Variants in SLCO5A1 observed in about 807,000 individuals in gnomAD.
The protein encoded by SLCO5A1 is organic anion transporter polypeptide-related protein 4.
In SLCO5A1, 39 loss-of-function variants were observed where a neutral mutation model predicts 65.1. That is an observed-to-expected ratio of 0.60 (90% CI 0.46 to 0.78). The LOEUF is 0.78. Among genes scored for constraint, SLCO5A1 ranks in the 30% least tolerant of loss-of-function variants. The pLI is 0.00. For synonymous variants in SLCO5A1, 438 were observed against 415.7 expected, an observed-to-expected ratio of 1.05 and a Z score of -0.65; for missense variants, 1,029 against 1,069.4, an observed-to-expected ratio of 0.96 and a Z score of 0.53.
At chr8:69,822,803 T>C (rs1248498151) in intron 2 of SLCO5A1, among the ~76,000 whole-genome samples, 3 of 152,226 alleles carry the variant, frequency 2.0e-5, no homozygotes, top group South Asian at 2.1e-4. Flanking sequence ...TGAAGTCCCA[T>C]GACCAGTTGT....
chr8:69,817,682 T>C (rs533242769), intron 2 of SLCO5A1, among the ~76,000 whole-genome samples: 38 of 152,224 alleles, frequency 2.5e-4, no homozygotes, highest in Admixed American at 1.6e-3. Flanking sequence ...TTGGCTTGAA[T>C]AGTACCCCTG....
At position 69,680,586 on chromosome 8, in the gene SLCO5A1, G is replaced by A. The variant is rs112765589; in HGVS notation, c.1783-967C>T. On this transcript the variant is annotated intron_variant, in intron 7 of 9. Coordinates refer to ENST00000260126, the MANE Select transcript of SLCO5A1 (RefSeq NM_030958.3). ...TCTTTACTATTGTGAACAGTGCTGC[G>A]ATGAACATACAAGTGCATGTGTCTT... Among the ~76,000 whole-genome samples the A allele has an allele frequency of 7.1e-3, 1,086 of 152,226 alleles. 19 individuals are homozygous for A. Among genetic ancestry groups the A allele is most frequent in the African/African-American group, 0.024 (999 of 41,528 alleles).
chr8:69,699,051 T>A (rs778796840), intron 6 of SLCO5A1, among the ~76,000 whole-genome samples: 1 of 152,154 alleles, frequency 6.6e-6, no homozygotes, highest in Non-Finnish European at 1.5e-5. Context: ...CATATGGACA[T>A]GATCAAGGCA....
intron 2 of SLCO5A1, among the ~76,000 whole-genome samples, chr8:69,821,516 A>G (rs1820641674): frequency 1.3e-5 from 2 of 152,088 alleles, no homozygotes; most frequent in African/African-American, 4.8e-5. Flanking sequence ...AGAAGAAAAT[A>G]GGCCAGAATA....
At chr8:69,721,430 T>G (rs983104207) in intron 5 of SLCO5A1, among the ~76,000 whole-genome samples, 3 of 152,192 alleles carry the variant, frequency 2.0e-5, no homozygotes, top group Non-Finnish European at 4.4e-5. Flanking sequence ...AGATATAAAA[T>G]AAAAGTGAGA....
intron 3 of SLCO5A1, among the ~76,000 whole-genome samples, chr8:69,756,498 C>T (rs1231329299): frequency 6.6e-6 from 1 of 152,178 alleles, no homozygotes; most frequent in Non-Finnish European, 1.5e-5. Context: ...GACATTTAAA[C>T]TTAGTCCTTG....
At position 69,831,771 on chromosome 8, in the gene SLCO5A1, G is replaced by A. The variant is rs1229771345; in HGVS notation, c.903C>T (p.Tyr301=). ...DNVKKENSSL[Y]LAIMYVMGAL... ...GAGAGAACAGGAAAGTCTTACCTAG[G>A]TACAAGGAGGAGTTTTCTTTCTTGA... Residue 301 remains tyrosine, a synonymous_variant, in exon 2 of 10, where the codon TAC becomes TAT. Transcript: ENST00000260126. 1.2e-6 allele frequency: 2 copies of A among 1,613,608 alleles called. No homozygotes were observed. The highest frequency in any genetic ancestry group is 1.7e-6 in the Non-Finnish European group (2 of 1,179,926).
intron 4 of SLCO5A1, among the ~76,000 whole-genome samples, chr8:69,755,054 T>A (rs2130858526): frequency 6.6e-6 from 1 of 152,280 alleles, no homozygotes; most frequent in Non-Finnish European, 1.5e-5. Context: ...AAATAACATA[T>A]ATAGACATCT....
intron 6 of SLCO5A1, among the ~76,000 whole-genome samples, chr8:69,683,608 G>C (rs1813878076): frequency 6.6e-6 from 1 of 150,528 alleles, no homozygotes; most frequent in Non-Finnish European, 1.5e-5. Flanking sequence ...TGTCGCCCAG[G>C]CTGGAGTGCA....
At chr8:69,776,553 G>A (rs926974232) in intron 2 of SLCO5A1, among the ~76,000 whole-genome samples, 1 of 152,102 alleles carries the variant, frequency 6.6e-6, no homozygotes, top group Non-Finnish European at 1.5e-5. Flanking sequence ...AGCTGAGCAT[G>A]ATGACATGCA....
At position 69,832,475 on chromosome 8, in the gene SLCO5A1, A is replaced by G. The variant is rs778315045; in HGVS notation, c.199T>C (p.Ser67Pro). The change falls in exon 2 of 10, where the codon TCG (serine) becomes CCG (proline). Residue 67 changes from serine to proline, a missense_variant. Around this residue, in one of 3 missense-constraint regions of SLCO5A1, gnomAD observed 647 missense variants for 647.5 expected, o/e 1.00. Transcript: ENST00000260126. This position sits in a 1 kb window ranked among gnomAD's most constrained non-coding sequence, Gnocchi z 4.5. ...CCTTGCTTCAACTCCTGGTGGCCCG[A>G]AGAATCCACACAGCCAAAGGCCGGG... ...ANPAFGCVDS[S>P]GHQELKQGPN... 8 of 1,612,622 alleles carry G rather than the reference A, an allele frequency of 5.0e-6. No individual in the cohort carries two copies. The highest frequency in any genetic ancestry group is 3.3e-5 in the South Asian group (3 of 90,810).
At position 69,670,911 on chromosome 8, in the gene SLCO5A1, T is replaced by C. The variant is rs1813311293; in HGVS notation, c.*1958A>G. The stretch of plus-strand genomic sequence containing the variant: ...AGGATCAGAGCTCTCCCATAGAGGG[T>C]AAAGGGGAACCCTGAGGCCCCAAAG... On this transcript the variant is annotated 3_prime_UTR_variant, in exon 10 of 10. Transcript: ENST00000260126. 6.6e-6 allele frequency: 1 copy of C among 152,146 alleles called. No individual in the cohort carries two copies. The highest frequency in any genetic ancestry group is 6.5e-5 in the Admixed American group (1 of 15,268). 9.4% of individuals were successfully genotyped at this position (152,146 alleles called of 1,614,324 possible). A position where few individuals can be genotyped will look rare whatever the true frequency, so the allele number is the denominator to read the frequency against.
chr8:69,781,326 T>A (rs1220556928), intron 2 of SLCO5A1, among the ~76,000 whole-genome samples: 2 of 152,258 alleles, frequency 1.3e-5, no homozygotes, highest in African/African-American at 4.8e-5. Context: ...CATTGGATTT[T>A]ATAGACATTT....
intron 4 of SLCO5A1, among the ~76,000 whole-genome samples, chr8:69,743,962 A>T (rs1261530030): frequency 2.0e-5 from 3 of 152,098 alleles, no homozygotes; most frequent in Non-Finnish European, 4.4e-5. Flanking sequence ...ACCTGGAGCC[A>T]CAGTGGAGTC....
chr8:69,792,832 G>A (rs576658624), intron 2 of SLCO5A1, among the ~76,000 whole-genome samples: 44 of 152,208 alleles, frequency 2.9e-4, no homozygotes, highest in Admixed American at 8.5e-4. Context: ...GTCATAAAAC[G>A]GAGGTAAAAG....
chr8:69,832,013 G>C lies in SLCO5A1; in HGVS notation c.661C>G (p.Pro221Ala), dbSNP rs752130472. 3.1e-6 allele frequency: 5 copies of C among 1,602,110 alleles called. No homozygotes were observed. Among genetic ancestry groups the C allele is most frequent in the East Asian group, 2.2e-5 (1 of 44,818 alleles). Residue 221 changes from proline to alanine, a missense_variant, in exon 2 of 10, where the codon CCC becomes GCC. By Grantham distance (27) the Pro-to-Ala change is conservative (BLOSUM62 -1). Coordinates refer to ENST00000260126, the MANE Select transcript of SLCO5A1 (RefSeq NM_030958.3). The surrounding 1 kb of genome is among the most constrained non-coding windows in gnomAD (Gnocchi z 4.5). ...GCGTTCAACTCTTGGATCTGGTAGG[G>C]GGGCGAGATGAAGTGAGGTAAGGCG... ...LFALPHFISPPYQIQELNASA... is the reference protein window; with the variant it reads ...LFALPHFISPAYQIQELNASA...
At chr8:69,786,505 C>T (rs1167541667) in intron 2 of SLCO5A1, among the ~76,000 whole-genome samples, 1 of 152,128 alleles carries the variant, frequency 6.6e-6, no homozygotes, top group Non-Finnish European at 1.5e-5. Context: ...ATGTGATGTA[C>T]CAAATTTTCA....
intron 8 of SLCO5A1, among the ~76,000 whole-genome samples, chr8:69,678,341 G>T (rs926521088): frequency 2.6e-5 from 4 of 152,102 alleles, no homozygotes; most frequent in African/African-American, 9.7e-5. Flanking sequence ...CCAAACCTCC[G>T]TGATTTAGCA....
At chr8:69,708,619 G>C (rs376041778) in intron 5 of SLCO5A1, among the ~76,000 whole-genome samples, 1 of 151,826 alleles carries the variant, frequency 6.6e-6, no homozygotes, top group Non-Finnish European at 1.5e-5. Context: ...AAACCAAGGA[G>C]AGAGGACAGG....
Sources: gnomAD v4.1 joint callset for allele counts (sites outside exome capture counted in the v4.1 genomes callset) on GRCh38, gnomAD v4.1.1 for gene constraint, gnomAD v4.1.1 regional missense constraint, Gnocchi (gnomAD v3.1) non-coding constraint, MANE v1.5 for transcripts, NCBI Gene and HGNC (gene_info 2026-07-23, HGNC 2026-07-21) for gene names.